The following CWF19L1 variants were observed in gnomAD, a reference collection of about 807,000 sequenced individuals.
CWF19L1 encodes CWF19 like cell cycle control factor 1, also known as CWF19-like protein 1.
CWF19L1 carries 60 observed loss-of-function variants against 69.7 expected under a neutral mutation model. The observed-to-expected ratio is 0.86, with a 90% CI of 0.70 to 1.07. CWF19L1 has a LOEUF of 1.07. Ranked by LOEUF, CWF19L1 falls within the 50% of genes least tolerant of loss-of-function variation. The pLI is 0.00. For missense variants in CWF19L1, 591 were observed against 638.9 expected (o/e 0.92, Z 0.81); for synonymous variants, 209 against 222.2 (o/e 0.94, Z 0.53).
intron 10 of CWF19L1, among the ~76,000 whole-genome samples, chr10:100,241,221 G>A (rs1171784476): frequency 6.6e-6 from 1 of 151,914 alleles, no homozygotes; most frequent in Non-Finnish European, 1.5e-5. Context: ...TGGCCAGGCT[G>A]GTCTTGAACT....
chr10:100,262,426 C>G, intron 1 of CWF19L1: 1 of 985,306 alleles, frequency 1.0e-6, no homozygotes. Flanking sequence ...TCATTCTATC[C>G]TTCTTATTTT....
chr10:100,233,481 G>C (rs1052875946), intron 13 of CWF19L1, 110 bp from the exon 14 acceptor site: 27 of 1,039,390 alleles, frequency 2.6e-5, no homozygotes, highest in Non-Finnish European at 3.5e-5. Flanking sequence ...CCTGCCCTGA[G>C]TGCCATCTCT....
In CWF19L1 at chr10:100,246,799, G is replaced by A; in HGVS notation, c.845C>T (p.Pro282Leu). ...CAACCCTCAATCAGAACATACCACA[G>A]GGGCAAGAATTTGCTTTCCTATGGA... ...EASIGKQILA[P>L]VEESACQFFF... is the part of the protein sequence containing the mutation. Residue 282 changes from proline to leucine, a missense_variant, in exon 8 of 14, where the codon CCT becomes CTT. Around this residue, in one of 3 missense-constraint regions of CWF19L1, gnomAD observed 458 missense variants for 489.3 expected, o/e 0.94. Coordinates refer to ENST00000354105, the MANE Select transcript of CWF19L1 (RefSeq NM_018294.6). 6.2e-7 allele frequency: 1 copy of A among 1,613,300 alleles called. No individual in the cohort carries two copies.
rs772070319 is a variant in CWF19L1 at position 100,236,982 on chromosome 10, G to A, written c.1255-13C>T. 2.6e-6 allele frequency: 4 copies of A among 1,560,260 alleles called. No individual in the cohort carries two copies. Among genetic ancestry groups the A allele is most frequent in the Admixed American group, 2.0e-5 (1 of 50,572 alleles). ...GGACAGGAATGACCTGGGGGTTGGGGAGACAGGAGAAATTCCTTGTGCAGG... is the reference window on the plus strand; with the variant it reads ...GGACAGGAATGACCTGGGGGTTGGGAAGACAGGAGAAATTCCTTGTGCAGG... On this transcript the variant is annotated splice_polypyrimidine_tract_variant and intron_variant, in intron 11 of 13. Transcript: ENST00000354105.
At chr10:100,249,859 T>C (rs985339162) in intron 7 of CWF19L1, among the ~76,000 whole-genome samples, 13 of 152,266 alleles carry the variant, frequency 8.5e-5, no homozygotes, top group African/African-American at 2.9e-4. Flanking sequence ...GTGCTGGGAT[T>C]ACAGGCGTGG....
rs751861378 is a variant in CWF19L1, at chr10:100,267,621, C to G, written c.-28G>C. 20 of 1,613,880 alleles carry G rather than the reference C, an allele frequency of 1.2e-5. No individual in the cohort carries two copies. In the Admixed American group the frequency reaches 3.3e-4, roughly 27 times the overall value. ...GTCCGAATAGTATGGGTTGCGACTG[C>G]CACCTAAAATTGGGAATGCGAATCC... On this transcript the variant is annotated 5_prime_UTR_variant, in exon 1 of 14. Coordinates refer to ENST00000354105, the MANE Select transcript of CWF19L1 (RefSeq NM_018294.6).
At chr10:100,262,459 C>T (rs1057265697) in intron 1 of CWF19L1, 2 of 985,202 alleles carry the variant, frequency 2.0e-6, no homozygotes, top group Non-Finnish European at 2.4e-6. Context: ...CTTAGTACGA[C>T]TCCTCCTATC....
chr10:100,261,114 T>TCAATTA lies in CWF19L1; in HGVS notation c.109-71_109-70insTAATTG, dbSNP rs1847385768. On this transcript the variant is annotated intron_variant, in intron 2 of 13. Transcript: ENST00000354105. ...AAACAGTACATAATTGATAGTAATA[T>TCAATTA]TCAACTAGTTATTTAATAGTTTCAA... is the stretch of plus-strand genomic sequence containing the variant. 11 of 965,348 alleles carry TCAATTA rather than the reference T, an allele frequency of 1.1e-5. No homozygotes were observed. The East Asian group carries it at 2.9e-4, about 25-fold the overall frequency. The allele number at this position is 965,348 out of a possible 1,614,324, so 59.8% of individuals were successfully genotyped here.
intron 1 of CWF19L1, among the ~76,000 whole-genome samples, chr10:100,264,383 A>T (rs184245690): frequency 1.1e-3 from 171 of 152,122 alleles, no homozygotes; most frequent in Non-Finnish European, 2.0e-3. Flanking sequence ...ATCTCTACTA[A>T]AAATACAAAA....
At chr10:100,255,911 C>G (rs572735628) in intron 5 of CWF19L1, among the ~76,000 whole-genome samples, 107 of 151,714 alleles carry the variant, frequency 7.1e-4, no homozygotes, top group Non-Finnish European at 6.3e-4. Flanking sequence ...ACCTGGGCGA[C>G]AGAGTGAGAC....
intron 7 of CWF19L1, among the ~76,000 whole-genome samples, chr10:100,247,874 C>T (rs1346039742): frequency 6.6e-6 from 1 of 151,132 alleles, no homozygotes; most frequent in African/African-American, 2.4e-5. Flanking sequence ...CCAGCCTGGG[C>T]AATAGACAGA....
chr10:100,267,147 CAA>C (rs56827592), intron 1 of CWF19L1, among the ~76,000 whole-genome samples: 2,568 of 30,890 alleles, frequency 0.083, 151 homozygotes, highest in African/African-American at 0.28. Flanking sequence ...CTCCTCCTCG[CAA>C]AAAAAAAAAA....
rs1208146959 is a variant in CWF19L1 at position 100,251,505 on chromosome 10, CTTTTTT to C, written c.624-1179_624-1174del. Among the ~76,000 whole-genome samples the C allele has an allele frequency of 6.8e-4, 60 of 88,306 alleles. 1 individual carries two copies. Among genetic ancestry groups the C allele is most frequent in the African/African-American group, 1.5e-3 (28 of 18,328 alleles). The allele number at this position is 88,306 out of a possible 152,430, so 57.9% of individuals were successfully genotyped here. A position where few individuals can be genotyped will look rare whatever the true frequency, so the allele number is the denominator to read the frequency against. ...AGCATCTTTTTATATGTCTATTGGCCTTTTTTTTTTTTTTTTTTTTTTTTGAGACGG... is the reference window on the plus strand; with the variant it reads ...AGCATCTTTTTATATGTCTATTGGCCTTTTTTTTTTTTTTTTTTGAGACGG... On this transcript the variant is annotated intron_variant, in intron 6 of 13. Coordinates refer to ENST00000354105, the MANE Select transcript of CWF19L1 (RefSeq NM_018294.6).
intron 5 of CWF19L1, among the ~76,000 whole-genome samples, chr10:100,255,762 C>A (rs1444155699): frequency 1.9e-4 from 23 of 118,084 alleles, no homozygotes; most frequent in South Asian, 2.9e-4. Context: ...AACTCCATCT[C>A]AAAAAAAAAA....
Position 100,233,200 on chromosome 10 carries a change from A to G in CWF19L1, c.*27T>C. ...AAAAAAGCTTTACTACTTCCTGTGGAGTTCATAAAAAGTTCTTCCCTTTGT... is the reference window on the plus strand; with the variant it reads ...AAAAAAGCTTTACTACTTCCTGTGGGGTTCATAAAAAGTTCTTCCCTTTGT... On this transcript the variant is annotated 3_prime_UTR_variant, in exon 14 of 14. Transcript: ENST00000354105. The G allele has an allele frequency of 6.4e-7, 1 of 1,566,280 alleles. No individual in the cohort carries two copies. The highest frequency in any genetic ancestry group is 1.9e-5 in the Admixed American group (1 of 51,724).
intron 1 of CWF19L1, among the ~76,000 whole-genome samples, chr10:100,266,745 C>T (rs1847604287): frequency 6.6e-6 from 1 of 150,690 alleles, no homozygotes; most frequent in South Asian, 2.1e-4. Flanking sequence ...GTCTCGAACT[C>T]CTGACCGCAA....
intron 6 of CWF19L1, among the ~76,000 whole-genome samples, chr10:100,252,690 G>A (rs1156370067): frequency 1.3e-5 from 2 of 151,562 alleles, no homozygotes; most frequent in Admixed American, 6.6e-5. Context: ...AAAAAACTTA[G>A]CCGGACGTGG....
At chr10:100,256,532 T>C in intron 4 of CWF19L1, 56 bp from the exon 5 acceptor site, 1 of 1,367,214 alleles carries the variant, frequency 7.3e-7, no homozygotes, top group Non-Finnish European at 1.0e-6. Flanking sequence ...TGAAAAGCCA[T>C]CAATAGGGGG....
intron 5 of CWF19L1, chr10:100,254,505 T>C (rs1367949380): frequency 5.9e-5 from 9 of 152,162 alleles, no homozygotes; most frequent in African/African-American, 2.2e-4. Context: ...TAAGAGAAGG[T>C]ATTACTTGGA....
Sources: allele counts gnomAD v4.1 joint callset (sites outside exome capture counted in the v4.1 genomes callset), GRCh38; gene constraint gnomAD v4.1.1; regional missense constraint gnomAD v4.1.1; transcripts MANE v1.5; gene names NCBI Gene and HGNC (gene_info 2026-07-23, HGNC 2026-07-21).